PSMA4: variants seen among roughly 807,000 people sequenced by gnomAD.
The protein encoded by PSMA4 is proteasome 20S subunit alpha 4.
PSMA4 carries 8 observed loss-of-function variants against 37.2 expected under a neutral mutation model. The ratio of observed to expected loss-of-function variants is 0.22; its 90% CI spans 0.13 to 0.39. The LOEUF is 0.39. Ranked by LOEUF, PSMA4 falls within the 10% of genes least tolerant of loss-of-function variation. The pLI, the probability that PSMA4 is intolerant of heterozygous loss-of-function variation, is 1.00. For synonymous variants in PSMA4, 93 were observed against 98.8 expected (o/e 0.94, Z 0.35); for missense variants, 169 against 305.1 (o/e 0.55, Z 3.32).
rs1745338367 is a variant in PSMA4, at chr15:78,545,869, C to T, written c.507+105C>T. ...CAGTATTTTAAGATAGCTGCAACAACCTTAATGTGATATGGAAATATCTGT... is the reference window on the plus strand; with the variant it reads ...CAGTATTTTAAGATAGCTGCAACAATCTTAATGTGATATGGAAATATCTGT... On this transcript the variant is annotated intron_variant, in intron 7 of 8. Coordinates refer to ENST00000044462, the MANE Select transcript of PSMA4 (RefSeq NM_002789.6). 5.0e-6 allele frequency: 6 copies of T among 1,205,268 alleles called. No homozygotes were observed. The Admixed American group carries it at 1.2e-4, about 24-fold the overall frequency. 74.7% of individuals were successfully genotyped at this position (1,205,268 alleles called of 1,614,324 possible). A position where few individuals can be genotyped will look rare whatever the true frequency, so the allele number is the denominator to read the frequency against.
chr15:78,549,057 A>G lies in PSMA4; in HGVS notation c.*113A>G. ...AACTGGTGCAGTGGGAAAATAGGAC[A>G]TTACATACTGAATTGGGTCCTTGTC... On this transcript the variant is annotated 3_prime_UTR_variant, in exon 9 of 9. Coordinates refer to ENST00000044462, the MANE Select transcript of PSMA4 (RefSeq NM_002789.6). 7.2e-7 allele frequency: 1 copy of G among 1,382,064 alleles called. No individual in the cohort carries two copies. Among genetic ancestry groups the G allele is most frequent in the Admixed American group, 3.1e-5 (1 of 31,874 alleles). The allele number at this position is 1,382,064 out of a possible 1,614,324, so 85.6% of individuals were successfully genotyped here.
At chr15:78,548,161 G>A (rs1463815321) in intron 8 of PSMA4, among the ~76,000 whole-genome samples, 1 of 152,106 alleles carries the variant, frequency 6.6e-6, no homozygotes, top group East Asian at 1.9e-4. Context: ...AACCCAGGAG[G>A]TGGAGGTTGC....
chr15:78,548,867 A>C lies in PSMA4; in HGVS notation c.709A>C (p.Ile237Leu), dbSNP rs774633167. Residue 237 changes from isoleucine to leucine, a missense_variant, in exon 9 of 9, where the codon ATC (isoleucine) becomes CTC (leucine). Transcript: ENST00000044462. Reference sequence around the variant, plus strand: ...CAAACAAAAAGAAGTGGAGCAGTTGATCAAAAAACATGAGGAAGAAGAAGC... The same window carrying C: ...CAAACAAAAAGAAGTGGAGCAGTTGCTCAAAAAACATGAGGAAGAAGAAGC... ...VLKQKEVEQL[I>L]KKHEEEEAKA... 6.2e-7 allele frequency: 1 copy of C among 1,613,616 alleles called. No individual in the cohort carries two copies. Among genetic ancestry groups the C allele is most frequent in the Non-Finnish European group, 8.5e-7 (1 of 1,179,792 alleles).
chr15:78,548,949 A>G lies in PSMA4; in HGVS notation c.*5A>G. On this transcript the variant is annotated 3_prime_UTR_variant, in exon 9 of 9. Coordinates refer to ENST00000044462, the MANE Select transcript of PSMA4 (RefSeq NM_002789.6). ...CAGAAAGAAAAGGATAAATAGAATC[A>G]GAGATTTTATTACTCATTTGGGGCA... 6.2e-7 allele frequency: 1 copy of G among 1,601,382 alleles called. No individual in the cohort carries two copies. Among genetic ancestry groups the G allele is most frequent in the Non-Finnish European group, 8.5e-7 (1 of 1,176,032 alleles).
intron 8 of PSMA4, among the ~76,000 whole-genome samples, chr15:78,548,055 C>CA (rs746659314): frequency 2.0e-5 from 3 of 151,914 alleles, no homozygotes; most frequent in East Asian, 1.9e-4. Context: ...CATGGTGAAA[C>CA]CCCTGCCTCT....
At chr15:78,541,618 A>C (rs1361490427) in intron 1 of PSMA4, 3 of 381,846 alleles carry the variant, frequency 7.9e-6, no homozygotes, top group East Asian at 1.3e-4. Flanking sequence ...CATTTTCTGT[A>C]TCGATTTCTC....
At chr15:78,548,296 C>T (rs2052592255) in intron 8 of PSMA4, among the ~76,000 whole-genome samples, 1 of 152,146 alleles carries the variant, frequency 6.6e-6, no homozygotes, top group Non-Finnish European at 1.5e-5. Context: ...TACTTCCACC[C>T]AGTTTCAAGG....
At chr15:78,544,638 AT>A (rs2052519794) in intron 5 of PSMA4, 1 of 487,414 alleles carries the variant, frequency 2.1e-6, no homozygotes, top group African/African-American at 2.0e-5. Context: ...TTTTGCAAAG[AT>A]TAAAGTCATT....
chr15:78,548,894 A>G lies in PSMA4; in HGVS notation c.736A>G (p.Lys246Glu). The G allele has an allele frequency of 6.2e-7, 1 of 1,612,592 alleles. No homozygotes were observed. Among genetic ancestry groups the G allele is most frequent in the Middle Eastern group, 1.7e-4 (1 of 6,052 alleles). The change falls in exon 9 of 9, where the codon AAA becomes GAA. Residue 246 changes from lysine (K) to glutamate (E), a missense_variant. By Grantham distance (56) the Lys-to-Glu change is moderately conservative. Around this residue, in one of 2 missense-constraint regions of PSMA4, gnomAD observed 90 missense variants for 92.7 expected, o/e 0.97. Coordinates refer to ENST00000044462, the MANE Select transcript of PSMA4 (RefSeq NM_002789.6). ...CAAAAAACATGAGGAAGAAGAAGCC[A>G]AAGCTGAGCGTGAGAAGAAAGAAAA... ...LIKKHEEEEA[K>E]AEREKKEKEQ...
intron 5 of PSMA4, 195 bp downstream of exon 5, chr15:78,544,462 G>T: frequency 2.0e-6 from 1 of 505,148 alleles, no homozygotes. Flanking sequence ...CACCACACCG[G>T]GTTAATTTTT....
At chr15:78,547,850 A>G (rs966214394) in intron 8 of PSMA4, among the ~76,000 whole-genome samples, 6 of 152,088 alleles carry the variant, frequency 3.9e-5, no homozygotes, top group African/African-American at 1.4e-4. Flanking sequence ...AAAAAAAAGA[A>G]TATTTCTAAA....
At chr15:78,541,847 C>T in intron 1 of PSMA4, 58 bp from the exon 2 acceptor site, 2 of 1,387,110 alleles carry the variant, frequency 1.4e-6, no homozygotes, top group South Asian at 2.4e-5. Context: ...GTAAAGTCAG[C>T]AAATGCTTTT....
chr15:78,544,283 G>A lies in PSMA4; in HGVS notation c.287+16G>A. On this transcript the variant is annotated intron_variant, in intron 5 of 8. Transcript: ENST00000044462. Reference sequence around the variant, plus strand: ...TTGCTCAAAGGTATGGTCATAAATAGCATAACTGATGATACAGAAATTAGT... The same window carrying A: ...TTGCTCAAAGGTATGGTCATAAATAACATAACTGATGATACAGAAATTAGT... The A allele has an allele frequency of 9.5e-6, 14 of 1,469,374 alleles. No homozygotes were observed. The highest frequency in any genetic ancestry group is 1.3e-5 in the Non-Finnish European group (14 of 1,103,444). The allele number at this position is 1,469,374 out of a possible 1,614,324, so 91.0% of individuals were successfully genotyped here.
chr15:78,545,561 C>A, intron 6 of PSMA4, 73 bp from the exon 7 acceptor site: 1 of 1,522,784 alleles, frequency 6.6e-7, no homozygotes, highest in Non-Finnish European at 9.1e-7. Context: ...TAGCTACCTT[C>A]ACTGAGCTCA....
intron 1 of PSMA4, chr15:78,541,540 C>G (rs2052452937): frequency 3.7e-6 from 1 of 268,980 alleles, no homozygotes; most frequent in Non-Finnish European, 7.2e-6. Flanking sequence ...TCTTTCTTCC[C>G]CTGTTCTTTC....
At chr15:78,541,699 A>C (rs1173395066) in intron 1 of PSMA4, 6 of 545,952 alleles carry the variant, frequency 1.1e-5, no homozygotes, top group Non-Finnish European at 1.6e-5. Flanking sequence ...TCCACATTAT[A>C]ATCTATGACT....
Position 78,542,269 on chromosome 15 carries a change from A to G in PSMA4, c.46+50A>G, listed in dbSNP as rs375650541. Reference sequence around the variant, plus strand: ...CCTCAAGTTTAAAAATAAATGTGTTAGACTTTTAGAAAAAAAAATTACAAA... The same window carrying G: ...CCTCAAGTTTAAAAATAAATGTGTTGGACTTTTAGAAAAAAAAATTACAAA... On this transcript the variant is annotated intron_variant, in intron 3 of 8. Transcript: ENST00000044462. 134 of 1,534,806 alleles carry G rather than the reference A, an allele frequency of 8.7e-5. 1 individual carries two copies. The highest frequency in any genetic ancestry group is 6.5e-4 in the East Asian group (29 of 44,360).
intron 7 of PSMA4, 25 bp downstream of exon 7, chr15:78,545,789 A>T (rs762082939): frequency 3.1e-6 from 5 of 1,610,566 alleles, no homozygotes; most frequent in Non-Finnish European, 3.4e-6. Context: ...TGTGCTATAA[A>T]ATCTAGCAGA....
intron 2 of PSMA4, 48 bp downstream of exon 2, chr15:78,541,978 G>C (rs751510021): frequency 1.8e-5 from 28 of 1,577,720 alleles, no homozygotes; most frequent in Non-Finnish European, 2.3e-5. Flanking sequence ...AAACAGTATT[G>C]CTTGTACTCA....
Sources: gnomAD v4.1 joint callset for allele counts (sites outside exome capture counted in the v4.1 genomes callset) on GRCh38, gnomAD v4.1.1 for gene constraint, gnomAD v4.1.1 regional missense constraint, MANE v1.5 for transcripts, NCBI Gene and HGNC (gene_info 2026-07-23, HGNC 2026-07-21) for gene names.